The following CEP63 variants were observed in gnomAD, a reference collection of about 807,000 sequenced individuals.
CEP63 encodes centrosomal protein 63, also known as centrosomal protein of 63 kDa.
CEP63 carries 84 observed loss-of-function variants against 89.1 expected under a neutral mutation model. That is an observed-to-expected ratio of 0.94 (90% CI 0.79 to 1.13). The LOEUF is 1.13. Among genes scored for constraint, CEP63 ranks in the 50% most tolerant of loss-of-function variants. The probability of loss-of-function intolerance (pLI) is 0.00; values close to 1 mark genes in which losing one functional copy is unlikely to be tolerated. For synonymous variants in CEP63, 267 were observed against 272.5 expected, an observed-to-expected ratio of 0.98 and a Z score of 0.20; for missense variants, 838 against 813.3, an observed-to-expected ratio of 1.03 and a Z score of -0.37.
the CEP63 span, among the ~76,000 whole-genome samples, chr3:134,730,946 A>G: frequency 1.3e-5 from 2 of 152,196 alleles, no homozygotes; most frequent in Non-Finnish European, 2.9e-5. Flanking sequence ...AAAAGAATGG[A>G]AAAAGATATT....
the CEP63 span, among the ~76,000 whole-genome samples, chr3:134,653,569 T>G: frequency 6.6e-6 from 1 of 152,176 alleles, no homozygotes; most frequent in African/African-American, 2.4e-5. Context: ...ACTTAGCTGC[T>G]TCCCCTCTTC....
chr3:134,611,323 G>T, the CEP63 span, among the ~76,000 whole-genome samples: 2 of 152,184 alleles, frequency 1.3e-5, no homozygotes, highest in African/African-American at 4.8e-5. Flanking sequence ...CTAAAACCCT[G>T]AGGCCCAGGC....
the CEP63 span, among the ~76,000 whole-genome samples, chr3:134,656,601 G>A: frequency 6.6e-6 from 1 of 152,204 alleles, no homozygotes; most frequent in Non-Finnish European, 1.5e-5. Flanking sequence ...GGGTGGTGAT[G>A]ATAGGAAGAG....
At chr3:134,551,748 TATATATAC>T (rs1237385806) in intron 11 of CEP63, among the ~76,000 whole-genome samples, 170 bp from the exon 12 acceptor site, 154 of 17,328 alleles carry the variant, frequency 8.9e-3, no homozygotes, top group African/African-American at 0.02. Flanking sequence ...TATATATATA[TATATATAC>T]ACACACACAC....
chr3:134,703,748 A>G, the CEP63 span, among the ~76,000 whole-genome samples: 1 of 152,210 alleles, frequency 6.6e-6, no homozygotes, highest in Non-Finnish European at 1.5e-5. Context: ...TACCTATGCA[A>G]CAAATCCACA....
At chr3:134,651,921 C>G in the CEP63 span, among the ~76,000 whole-genome samples, 2 of 152,182 alleles carry the variant, frequency 1.3e-5, no homozygotes, top group Non-Finnish European at 2.9e-5. Context: ...ACGGGCCCAC[C>G]CTGCTGGGGG....
chr3:134,515,474 C>A (rs988312152), intron 3 of CEP63, among the ~76,000 whole-genome samples: 10 of 151,970 alleles, frequency 6.6e-5, no homozygotes, highest in Non-Finnish European at 1.5e-4. Context: ...ATATAACATG[C>A]AAACAGTTTG....
the CEP63 span, among the ~76,000 whole-genome samples, chr3:134,703,315 A>C: frequency 6.7e-6 from 1 of 148,936 alleles, no homozygotes; most frequent in Non-Finnish European, 1.5e-5. Flanking sequence ...AAAAAAAAAA[A>C]AGATACATAC....
At chr3:134,711,746 T>C in the CEP63 span, among the ~76,000 whole-genome samples, 2 of 151,170 alleles carry the variant, frequency 1.3e-5, no homozygotes, top group Admixed American at 6.6e-5. Flanking sequence ...CCACTCACTA[T>C]TATTTTTTTC....
chr3:134,770,109 T>G, the CEP63 span, among the ~76,000 whole-genome samples: 1 of 152,224 alleles, frequency 6.6e-6, no homozygotes, highest in Non-Finnish European at 1.5e-5. Flanking sequence ...GTCTTTGTGG[T>G]CCAAATGGCC....
At chr3:134,748,698 G>C in the CEP63 span, among the ~76,000 whole-genome samples, 2 of 152,152 alleles carry the variant, frequency 1.3e-5, no homozygotes, top group African/African-American at 4.8e-5. Context: ...ATGACTGATG[G>C]GCAGTGCTGA....
intron 6 of CEP63, 58 bp from the exon 7 acceptor site, chr3:134,545,528 T>C (rs1158460826): frequency 5.9e-6 from 7 of 1,191,838 alleles, no homozygotes; most frequent in Middle Eastern, 3.8e-4. Flanking sequence ...TTTAGTCTTA[T>C]TCATTGATTA....
intron 10 of CEP63, among the ~76,000 whole-genome samples, chr3:134,584,866 G>C (rs182179866): frequency 6.6e-6 from 1 of 151,458 alleles, no homozygotes; most frequent in African/African-American, 2.4e-5. Context: ...GCCTGTTATT[G>C]GTCTATTCAG....
At chr3:134,598,825 T>C in the CEP63 span, among the ~76,000 whole-genome samples, 1 of 152,214 alleles carries the variant, frequency 6.6e-6, no homozygotes, top group Non-Finnish European at 1.5e-5. Context: ...ATCTTTTGAC[T>C]CGGAGATGCC....
At chr3:134,711,913 C>T in the CEP63 span, among the ~76,000 whole-genome samples, 1 of 152,022 alleles carries the variant, frequency 6.6e-6, no homozygotes, top group Non-Finnish European at 1.5e-5. Context: ...CAAGCATGTG[C>T]CACCATGCCC....
At chr3:134,541,322 T>A (rs1951946358) in intron 6 of CEP63, among the ~76,000 whole-genome samples, 1 of 152,164 alleles carries the variant, frequency 6.6e-6, no homozygotes, top group South Asian at 2.1e-4. Flanking sequence ...CTAAGTCAAA[T>A]TTCTTCTAAT....
intron 2 of CEP63, among the ~76,000 whole-genome samples, chr3:134,499,350 A>C (rs1941244250): frequency 1.3e-5 from 2 of 152,048 alleles, no homozygotes; most frequent in South Asian, 4.1e-4. Context: ...TTCTGTGGTT[A>C]TCAGTTGTAA....
chr3:134,504,120 T>TG (rs1456121796), intron 2 of CEP63, among the ~76,000 whole-genome samples: 1 of 152,156 alleles, frequency 6.6e-6, no homozygotes, highest in African/African-American at 2.4e-5. Context: ...TCTCTTTTTT[T>TG]TTTTTAGTGA....
the CEP63 span, among the ~76,000 whole-genome samples, chr3:134,707,616 G>T: frequency 2.6e-5 from 4 of 152,126 alleles, no homozygotes; most frequent in Non-Finnish European, 4.4e-5. Flanking sequence ...TGCAACAGCT[G>T]TTAGGCACAG....
Sources: allele counts gnomAD v4.1 joint callset (sites outside exome capture counted in the v4.1 genomes callset), GRCh38; gene constraint gnomAD v4.1.1; transcripts MANE v1.5; gene names NCBI Gene and HGNC (gene_info 2026-07-23, HGNC 2026-07-21).